ANKRD12: variants seen among roughly 807,000 people sequenced by gnomAD.
ANKRD12 encodes ankyrin repeat domain 12.
In ANKRD12, 85 loss-of-function variants were observed where a neutral mutation model predicts 183.4. The ratio of observed to expected loss-of-function variants is 0.46; its 90% CI spans 0.39 to 0.56. The LOEUF is 0.56. Among genes scored for constraint, ANKRD12 ranks in the 20% least tolerant of loss-of-function variants. The probability of loss-of-function intolerance (pLI) is 0.00; values close to 1 mark genes in which losing one functional copy is unlikely to be tolerated. For missense variants in ANKRD12, 2,405 were observed against 2,357.1 expected, an observed-to-expected ratio of 1.02 and a Z score of -0.42; for synonymous variants, 914 against 800.2, an observed-to-expected ratio of 1.14 and a Z score of -2.40.
intron 8 of ANKRD12, among the ~76,000 whole-genome samples, chr18:9,246,828 T>C (rs1423114707): frequency 6.6e-6 from 1 of 152,220 alleles, no homozygotes; most frequent in Non-Finnish European, 1.5e-5. Flanking sequence ...ATAAATTAGT[T>C]AATCCTTAAA....
chr18:9,166,822 C>G (rs1204750309), intron 1 of ANKRD12, among the ~76,000 whole-genome samples: 6 of 152,216 alleles, frequency 3.9e-5, no homozygotes, highest in South Asian at 4.1e-4. Flanking sequence ...TATTGCCTAG[C>G]TTTTCTTCTA....
intron 10 of ANKRD12, among the ~76,000 whole-genome samples, chr18:9,272,288 C>T (rs1421854024): frequency 6.6e-6 from 1 of 152,164 alleles, no homozygotes; most frequent in African/African-American, 2.4e-5. Context: ...CTTGGCCGGG[C>T]ATGGTGGCTC....
chr18:9,201,482 T>TA (rs1331289427), intron 3 of ANKRD12, among the ~76,000 whole-genome samples: 1 of 152,338 alleles, frequency 6.6e-6, no homozygotes, highest in African/African-American at 2.4e-5. Flanking sequence ...ATTGTGATGT[T>TA]TGTCATACCC....
intron 2 of ANKRD12, among the ~76,000 whole-genome samples, chr18:9,194,782 T>C (rs1286979877): frequency 2.0e-5 from 3 of 152,240 alleles, no homozygotes; most frequent in Non-Finnish European, 4.4e-5. Flanking sequence ...TGTTTTACTG[T>C]TGTTTTAAAA....
At chr18:9,222,440 C>A (rs2036472044) in intron 8 of ANKRD12, among the ~76,000 whole-genome samples, 1 of 149,366 alleles carries the variant, frequency 6.7e-6, no homozygotes, top group Non-Finnish European at 1.5e-5. Context: ...GAATTCTGAT[C>A]ATTGTTGCAG....
At chr18:9,205,455 G>A (rs932543441) in intron 4 of ANKRD12, among the ~76,000 whole-genome samples, 2 of 151,976 alleles carry the variant, frequency 1.3e-5, no homozygotes, top group African/African-American at 4.8e-5. Context: ...TAGGGGCAGT[G>A]GAAGAACCAA....
rs71168045 is a variant in ANKRD12, at chr18:9,210,725, C to CAAAAAAA, written c.452-851_452-845dup. ...TGGGCAACAGAGTGAGACTCTGTCTCAAAAAAAAAAAAAATCCAAAAGATG... is the reference window on the plus strand; with the variant it reads ...TGGGCAACAGAGTGAGACTCTGTCTCAAAAAAAAAAAAAAAAAAAAATCCAAAAGATG... On this transcript the variant is annotated intron_variant, in intron 5 of 12. Transcript: ENST00000262126. Among the ~76,000 whole-genome samples the CAAAAAAA allele has an allele frequency of 1.7e-4, 14 of 84,594 alleles. 1 individual carries two copies. The highest frequency in any genetic ancestry group is 6.2e-4 in the Admixed American group (4 of 6,410). 55.5% of individuals were successfully genotyped at this position (84,594 alleles called of 152,430 possible).
rs147527258 is a variant in ANKRD12 at position 9,253,298 on chromosome 18, C to T, written c.944-913C>T. Among the ~76,000 whole-genome samples the T allele has an allele frequency of 3.3e-3, 510 of 152,248 alleles. 3 individuals are homozygous for T. The highest frequency in any genetic ancestry group is 0.012 in the African/African-American group (487 of 41,544). ...TACTGAACACTAGATCTAATTTATT[C>T]TATCTAACTGTATTTTTGTACCCAT... is the stretch of plus-strand genomic sequence containing the variant. On this transcript the variant is annotated intron_variant, in intron 8 of 12. Coordinates refer to ENST00000262126, the MANE Select transcript of ANKRD12 (RefSeq NM_015208.5).
At chr18:9,250,861 A>G (rs1241904545) in intron 8 of ANKRD12, among the ~76,000 whole-genome samples, 3 of 152,206 alleles carry the variant, frequency 2.0e-5, no homozygotes, top group African/African-American at 7.2e-5. Flanking sequence ...AGGAATACTG[A>G]CTTTAAGCAG....
At chr18:9,144,526 G>T (rs2078428299) in intron 1 of ANKRD12, among the ~76,000 whole-genome samples, 1 of 152,136 alleles carries the variant, frequency 6.6e-6, no homozygotes, top group South Asian at 2.1e-4. Context: ...GCAGAAAACA[G>T]AATCTTTTGA....
chr18:9,152,555 T>C (rs1467261592), intron 1 of ANKRD12, among the ~76,000 whole-genome samples: 1 of 152,130 alleles, frequency 6.6e-6, no homozygotes, highest in East Asian at 1.9e-4. Context: ...AGTATATTGC[T>C]GGATTCTGTT....
At chr18:9,247,107 C>T (rs929831988) in intron 8 of ANKRD12, among the ~76,000 whole-genome samples, 4 of 152,088 alleles carry the variant, frequency 2.6e-5, no homozygotes, top group Non-Finnish European at 5.9e-5. Flanking sequence ...GTTACACTTT[C>T]TGTTGGGCAA....
intron 8 of ANKRD12, among the ~76,000 whole-genome samples, chr18:9,241,051 T>G (rs1181609998): frequency 2.0e-5 from 3 of 152,160 alleles, no homozygotes; most frequent in African/African-American, 7.2e-5. Context: ...AAAAAATTAT[T>G]TAAGTCAAAA....
chr18:9,214,124 CAT>C lies in ANKRD12; in HGVS notation c.652+2342_652+2343del, dbSNP rs1276220374. Reference sequence around the variant, plus strand: ...AGATTTGGAACAATTTGGAAAAACTCATAGATGAACTGCATAGCCTAGAAATA... The same window carrying C: ...AGATTTGGAACAATTTGGAAAAACTCAGATGAACTGCATAGCCTAGAAATA... On this transcript the variant is annotated intron_variant, in intron 6 of 12. Transcript: ENST00000262126. Among the ~76,000 whole-genome samples, 7 of 151,828 alleles carry C rather than the reference CAT, an allele frequency of 4.6e-5. No individual in the cohort carries two copies. In the East Asian group the frequency reaches 1.2e-3, roughly 25 times the overall value.
rs567710896 is a variant in ANKRD12, at chr18:9,141,748, T to C, written c.-52+4783T>C. On this transcript the variant is annotated intron_variant, in intron 1 of 12. Transcript: ENST00000262126. Reference sequence around the variant, plus strand: ...TTCAAAATATGTAATAGTTTACCTTTCTGGTTTTCAGTGTGTACTCAGGCC... The same window carrying C: ...TTCAAAATATGTAATAGTTTACCTTCCTGGTTTTCAGTGTGTACTCAGGCC... Among the ~76,000 whole-genome samples, 3 of 152,358 alleles carry C rather than the reference T, an allele frequency of 2.0e-5. No homozygotes were observed. In the East Asian group the frequency reaches 5.8e-4, roughly 29 times the overall value.
At chr18:9,224,469 C>G (rs1052468111) in intron 8 of ANKRD12, among the ~76,000 whole-genome samples, 2 of 151,654 alleles carry the variant, frequency 1.3e-5, no homozygotes, top group Admixed American at 1.3e-4. Context: ...AACTAGAAAA[C>G]TGCAGAACAG....
At chr18:9,216,684 T>C (rs1175142335) in intron 6 of ANKRD12, 74 bp from the exon 7 acceptor site, 3 of 1,430,628 alleles carry the variant, frequency 2.1e-6, no homozygotes, top group Admixed American at 2.2e-5. Flanking sequence ...ATGTCACACA[T>C]TGGTATGTAT....
chr18:9,208,121 C>G (rs2035587887), intron 4 of ANKRD12, among the ~76,000 whole-genome samples: 1 of 152,122 alleles, frequency 6.6e-6, no homozygotes, highest in Non-Finnish European at 1.5e-5. Context: ...ATTTCATGTT[C>G]AGCTATCCTA....
chr18:9,277,503 A>G (rs964390956), intron 11 of ANKRD12, among the ~76,000 whole-genome samples: 2 of 150,900 alleles, frequency 1.3e-5, no homozygotes, highest in Non-Finnish European at 3.0e-5. Flanking sequence ...AATTTTTTGT[A>G]TTTTTAGTAG....
Sources: gnomAD v4.1 joint callset for allele counts (sites outside exome capture counted in the v4.1 genomes callset) on GRCh38, gnomAD v4.1.1 for gene constraint, MANE v1.5 for transcripts, NCBI Gene and HGNC (gene_info 2026-07-23, HGNC 2026-07-21) for gene names.